ROBO2: variants seen among roughly 807,000 people sequenced by gnomAD.
ROBO2 encodes the protein roundabout homolog 2.
A neutral mutation model predicts 160.8 loss-of-function variants in ROBO2; 53 were observed. That is an observed-to-expected ratio of 0.33 (90% CI 0.26 to 0.41). The LOEUF is 0.41. ROBO2 is among the 10% of genes least tolerant of loss of function. ROBO2 has a pLI of 1.00. For synonymous variants in ROBO2, 664 were observed against 611.7 expected (o/e 1.09, Z -1.26); for missense variants, 1,577 against 1,722.4 (o/e 0.92, Z 1.49).
chr3:77,593,891 C>T (rs1440579194), intron 17 of ROBO2, among the ~76,000 whole-genome samples: 1 of 151,898 alleles, frequency 6.6e-6, no homozygotes, highest in East Asian at 1.9e-4. Flanking sequence ...CACCTGTACT[C>T]ACCACAGGAA....
intron 2 of ROBO2, among the ~76,000 whole-genome samples, chr3:75,954,497 A>G (rs2107216964): frequency 6.6e-6 from 1 of 151,924 alleles, no homozygotes; most frequent in African/African-American, 2.4e-5. Context: ...TAGTTTCCCC[A>G]TTTTCCCCTC....
chr3:77,133,838 T>A (rs999440708), intron 2 of ROBO2, among the ~76,000 whole-genome samples: 1 of 152,236 alleles, frequency 6.6e-6, no homozygotes, highest in Non-Finnish European at 1.5e-5. Flanking sequence ...CATTTTCTTA[T>A]CTATTTTATT....
intron 2 of ROBO2, among the ~76,000 whole-genome samples, chr3:76,705,937 A>G (rs1404521569): frequency 6.6e-6 from 1 of 152,140 alleles, no homozygotes; most frequent in East Asian, 1.9e-4. Context: ...TGGTAAAGTC[A>G]ATGATTCTTT....
chr3:77,146,422 AT>A (rs983974970), intron 2 of ROBO2, among the ~76,000 whole-genome samples: 14 of 152,088 alleles, frequency 9.2e-5, no homozygotes, highest in East Asian at 1.9e-4. Context: ...CATGGAAATC[AT>A]TTTTTTCCCC....
At chr3:76,610,316 C>T (rs1391835067) in intron 2 of ROBO2, among the ~76,000 whole-genome samples, 1 of 152,138 alleles carries the variant, frequency 6.6e-6, no homozygotes, top group African/African-American at 2.4e-5. Context: ...CCCCTGGGTT[C>T]GCTCAGCCCG....
chr3:77,149,365 A>G (rs987023916), intron 2 of ROBO2, among the ~76,000 whole-genome samples: 3 of 152,028 alleles, frequency 2.0e-5, no homozygotes, highest in African/African-American at 7.3e-5. Context: ...TCTCGCAAAC[A>G]TATGTGTGAA....
At chr3:76,823,249 C>A (rs1391856096) in intron 2 of ROBO2, among the ~76,000 whole-genome samples, 2 of 152,070 alleles carry the variant, frequency 1.3e-5, no homozygotes, top group Non-Finnish European at 2.9e-5. Flanking sequence ...GCCTCATTTT[C>A]TGAATTTATT....
intron 2 of ROBO2, among the ~76,000 whole-genome samples, chr3:76,232,207 G>A (rs2107474591): frequency 6.6e-6 from 1 of 152,176 alleles, no homozygotes; most frequent in South Asian, 2.1e-4. Context: ...AAATACTAAA[G>A]AAGTTCTCAA....
At chr3:77,233,678 A>G (rs1470953185) in intron 2 of ROBO2, among the ~76,000 whole-genome samples, 1 of 152,168 alleles carries the variant, frequency 6.6e-6, no homozygotes, top group Non-Finnish European at 1.5e-5. Flanking sequence ...TAATAATTGA[A>G]ATCAAGTCTT....
chr3:77,022,713 G>A (rs2062716123), intron 2 of ROBO2, among the ~76,000 whole-genome samples: 1 of 152,094 alleles, frequency 6.6e-6, no homozygotes, highest in African/African-American at 2.4e-5. Flanking sequence ...CACTCATGAT[G>A]GGTAAGGAAA....
intron 2 of ROBO2, among the ~76,000 whole-genome samples, chr3:76,336,943 A>G (rs991372989): frequency 6.6e-6 from 1 of 152,110 alleles, no homozygotes; most frequent in African/African-American, 2.4e-5. Context: ...GCAGTTATGA[A>G]TTTTTAAAAT....
At chr3:76,298,031 C>T (rs1385054869) in intron 2 of ROBO2, among the ~76,000 whole-genome samples, 1 of 152,014 alleles carries the variant, frequency 6.6e-6, no homozygotes, top group Non-Finnish European at 1.5e-5. Context: ...ACTTAGAGAT[C>T]CCTAGGAAAA....
At chr3:75,958,851 G>T (rs616382) in intron 2 of ROBO2, among the ~76,000 whole-genome samples, 11 of 151,730 alleles carry the variant, frequency 7.2e-5, no homozygotes, top group African/African-American at 2.7e-4. Context: ...AACCCACCTG[G>T]TAACTTTGAG....
intron 2 of ROBO2, among the ~76,000 whole-genome samples, chr3:77,382,500 A>G (rs1439499648): frequency 1.3e-5 from 2 of 152,008 alleles, no homozygotes; most frequent in South Asian, 2.1e-4. Context: ...CTGAGATTTT[A>G]GAGCACCTGT....
At position 76,526,761 on chromosome 3, in the gene ROBO2, G is replaced by A. The variant is rs538126036; in HGVS notation, c.110-571253G>A. 2.0e-4 allele frequency among the ~76,000 whole-genome samples: 31 copies of A among 152,046 alleles called. 1 individual carries two copies. In the South Asian group the frequency reaches 6.2e-3, roughly 31 times the overall value. The stretch of plus-strand genomic sequence containing the variant: ...ATCACTGAAATGAGAACAATTTAGT[G>A]GTCTTGCATGATTAATGTCCTACAT... On this transcript the variant is annotated intron_variant, in intron 2 of 26. Coordinates refer to the ROBO2 transcript ENST00000487694.
At chr3:76,299,950 CGAGTT>C (rs1709274845) in intron 2 of ROBO2, among the ~76,000 whole-genome samples, 1 of 152,022 alleles carries the variant, frequency 6.6e-6, no homozygotes, top group African/African-American at 2.4e-5. Context: ...TATTTTTTGA[CGAGTT>C]GAGTTGGAGG....
intron 2 of ROBO2, among the ~76,000 whole-genome samples, chr3:76,625,762 G>A (rs2089594502): frequency 6.6e-6 from 1 of 152,124 alleles, no homozygotes; most frequent in African/African-American, 2.4e-5. Context: ...CAACGTTGTG[G>A]GGGAAAAGGG....
At chr3:76,075,172 T>TGTGA (rs1215071678) in intron 2 of ROBO2, among the ~76,000 whole-genome samples, 48 of 152,040 alleles carry the variant, frequency 3.2e-4, no homozygotes, top group African/African-American at 1.1e-3. Flanking sequence ...TGGAGCCCTG[T>TGTGA]CACCCATGCT....
chr3:76,534,965 T>A (rs1192064609), intron 2 of ROBO2, among the ~76,000 whole-genome samples: 2 of 151,896 alleles, frequency 1.3e-5, no homozygotes, highest in African/African-American at 4.8e-5. Flanking sequence ...AGAAAGAAAG[T>A]AAGTCATGAG....
Sources: gnomAD v4.1 joint callset for allele counts (sites outside exome capture counted in the v4.1 genomes callset) on GRCh38, gnomAD v4.1.1 for gene constraint, MANE v1.5 for transcripts, NCBI Gene and HGNC (gene_info 2026-07-23, HGNC 2026-07-21) for gene names.